The following RAB38 variants were observed in gnomAD, a reference collection of about 807,000 sequenced individuals.
RAB38 encodes the protein RAB38, member RAS oncogene family, also known as ras-related protein Rab-38.
A neutral mutation model predicts 18.4 loss-of-function variants in RAB38; 15 were observed. That is an observed-to-expected ratio of 0.82 (90% CI 0.55 to 1.26). The LOEUF (loss-of-function observed/expected upper bound fraction) is 1.26. Among genes scored for constraint, RAB38 ranks in the 50% most tolerant of loss-of-function variants. The pLI is 0.00. For missense variants in RAB38, 294 were observed against 267.4 expected (o/e 1.10, Z -0.69); for synonymous variants, 101 against 104.4 (o/e 0.97, Z 0.20).
chr11:88,151,300 G>C (rs1047655687), intron 1 of RAB38, among the ~76,000 whole-genome samples: 2 of 152,160 alleles, frequency 1.3e-5, no homozygotes, highest in Non-Finnish European at 2.9e-5. Context: ...TAAATAGTGT[G>C]AAAGACAATA....
At chr11:88,081,885 T>TA in the RAB38 span, among the ~76,000 whole-genome samples, 6 of 151,740 alleles carry the variant, frequency 4.0e-5, no homozygotes, top group Non-Finnish European at 8.8e-5. Context: ...GGTGAAGGGA[T>TA]AAAAAAAGTT....
the RAB38 span, among the ~76,000 whole-genome samples, chr11:87,822,850 G>C: frequency 1.3e-5 from 2 of 152,058 alleles, no homozygotes; most frequent in African/African-American, 4.8e-5. Flanking sequence ...AAAACATAAG[G>C]AAATAGAAAG....
chr11:88,067,704 CA>C, the RAB38 span, among the ~76,000 whole-genome samples: 3 of 151,470 alleles, frequency 2.0e-5, no homozygotes, highest in Non-Finnish European at 2.9e-5. Flanking sequence ...CACTGTCTAT[CA>C]AAAAAAATGA....
downstream of RAB38, among the ~76,000 whole-genome samples, chr11:88,109,728 A>T (rs752667926): frequency 5.3e-5 from 8 of 152,262 alleles, no homozygotes; most frequent in Non-Finnish European, 7.3e-5. Context: ...GACACTTCTC[A>T]AAAGAAGACA....
chr11:87,887,368 A>G, the RAB38 span, among the ~76,000 whole-genome samples: 1 of 151,978 alleles, frequency 6.6e-6, no homozygotes, highest in Non-Finnish European at 1.5e-5. Flanking sequence ...GGAATTTGTT[A>G]CTTAATTTTC....
intron 1 of RAB38, among the ~76,000 whole-genome samples, chr11:88,153,620 G>C (rs543066432): frequency 6.6e-6 from 1 of 152,296 alleles, no homozygotes; most frequent in East Asian, 1.9e-4. Context: ...ATAAATGTAA[G>C]CACAAGTCTT....
At chr11:88,060,300 ATC>A in the RAB38 span, 2 of 152,176 alleles carry the variant, frequency 1.3e-5, no homozygotes, top group African/African-American at 4.8e-5. Flanking sequence ...GCTTGCATCT[ATC>A]TCTCTGTGTC....
the RAB38 span, among the ~76,000 whole-genome samples, chr11:87,864,020 C>T: frequency 3.3e-5 from 5 of 151,692 alleles, no homozygotes; most frequent in South Asian, 2.1e-4. Context: ...GTGTGGTGGT[C>T]GTGATCACGG....
chr11:87,807,052 C>G, the RAB38 span, among the ~76,000 whole-genome samples: 1 of 152,078 alleles, frequency 6.6e-6, no homozygotes, highest in African/African-American at 2.4e-5. Flanking sequence ...GTATTAGATT[C>G]TCATAGGAGC....
the RAB38 span, among the ~76,000 whole-genome samples, chr11:88,087,348 A>C: frequency 6.6e-6 from 1 of 151,948 alleles, no homozygotes; most frequent in Non-Finnish European, 1.5e-5. Flanking sequence ...AATACCTTAG[A>C]CTGGGTAATT....
At chr11:87,952,303 A>G in the RAB38 span, among the ~76,000 whole-genome samples, 1 of 152,184 alleles carries the variant, frequency 6.6e-6, no homozygotes, top group Non-Finnish European at 1.5e-5. Flanking sequence ...GTGGGCCTCA[A>G]TGACCTCAAA....
the RAB38 span, among the ~76,000 whole-genome samples, chr11:87,850,364 T>A: frequency 2.6e-5 from 4 of 152,230 alleles, no homozygotes; most frequent in Admixed American, 2.6e-4. Context: ...ATTTGAAAAC[T>A]AATCTTTCAC....
the RAB38 span, among the ~76,000 whole-genome samples, chr11:88,033,322 A>G: frequency 1.3e-5 from 2 of 152,088 alleles, no homozygotes; most frequent in Admixed American, 1.3e-4. Context: ...GCACATGTAT[A>G]CATATGTAAC....
chr11:88,052,734 T>G, the RAB38 span, among the ~76,000 whole-genome samples: 1 of 151,488 alleles, frequency 6.6e-6, no homozygotes. Context: ...AAATCTTCAG[T>G]GACCTAGAAG....
the RAB38 span, among the ~76,000 whole-genome samples, chr11:88,071,017 G>T: frequency 6.6e-6 from 1 of 152,128 alleles, no homozygotes; most frequent in South Asian, 2.1e-4. Context: ...GGGAGCCTAA[G>T]ACTTAAAAGG....
chr11:88,102,793 G>A, the RAB38 span, among the ~76,000 whole-genome samples: 1 of 152,004 alleles, frequency 6.6e-6, no homozygotes, highest in African/African-American at 2.4e-5. Flanking sequence ...TAGGCATGAT[G>A]ATACAGGCTT....
intron 1 of RAB38, among the ~76,000 whole-genome samples, chr11:88,157,892 T>G (rs1216004379): frequency 6.6e-6 from 1 of 151,952 alleles, no homozygotes; most frequent in Non-Finnish European, 1.5e-5. Context: ...GATCTTAAAT[T>G]GACAATCTAA....
chr11:87,812,730 A>G, the RAB38 span, among the ~76,000 whole-genome samples: 195 of 152,170 alleles, frequency 1.3e-3, no homozygotes, highest in Non-Finnish European at 2.3e-3. Flanking sequence ...CTTTTGTGTA[A>G]AACGCCGAAA....
At chr11:87,822,279 A>T in the RAB38 span, among the ~76,000 whole-genome samples, 1 of 152,222 alleles carries the variant, frequency 6.6e-6, no homozygotes, top group East Asian at 1.9e-4. Context: ...TCAAAGCAAA[A>T]AATTGTCAGA....
Sources: gnomAD v4.1 joint callset for allele counts (sites outside exome capture counted in the v4.1 genomes callset) on GRCh38, gnomAD v4.1.1 for gene constraint, MANE v1.5 for transcripts, NCBI Gene and HGNC (gene_info 2026-07-23, HGNC 2026-07-21) for gene names.